STEAP1B: variants seen among roughly 807,000 people sequenced by gnomAD.
The protein encoded by STEAP1B is STEAP family member 1B, also known as STEAP family protein MGC87042.
Under a neutral mutation model 27.9 loss-of-function variants are expected in STEAP1B, and 13 were observed. The ratio of observed to expected loss-of-function variants is 0.47; its 90% confidence interval spans 0.30 to 0.74. The LOEUF (loss-of-function observed/expected upper bound fraction) is 0.74. STEAP1B is among the 30% of genes least tolerant of loss of function. The pLI, the probability that STEAP1B is intolerant of heterozygous loss-of-function variation, is 0.06. For missense variants in STEAP1B, 250 were observed against 298.7 expected (o/e 0.84, Z 1.20); for synonymous variants, 86 against 107.1 (o/e 0.80, Z 1.22).
At chr7:22,453,312 T>C (rs892935255) in intron 4 of STEAP1B, among the ~76,000 whole-genome samples, 2 of 152,248 alleles carry the variant, frequency 1.3e-5, no homozygotes, top group Non-Finnish European at 2.9e-5. Context: ...GGCTGAGGCA[T>C]TTCCATTTCC....
rs535742805 is a variant in STEAP1B at position 22,451,251 on chromosome 7, T to C, written c.763-31415A>G. Among the ~76,000 whole-genome samples, 15 of 152,242 alleles carry C rather than the reference T, an allele frequency of 9.9e-5. No homozygotes were observed. In the South Asian group the frequency reaches 2.7e-3, roughly 27 times the overall value. Reference sequence around the variant, plus strand: ...GATTGTTCATTGTTGGCATTTTGTATGTTGATTTTGTATCCTACAGCTTTA... The same window carrying C: ...GATTGTTCATTGTTGGCATTTTGTACGTTGATTTTGTATCCTACAGCTTTA... On this transcript the variant is annotated intron_variant, in intron 4 of 4. Coordinates refer to ENST00000678116, the MANE Select transcript of STEAP1B (RefSeq NM_001382447.1).
chr7:22,442,915 G>T (rs1475243087), intron 4 of STEAP1B, among the ~76,000 whole-genome samples: 1 of 152,078 alleles, frequency 6.6e-6, no homozygotes, highest in Admixed American at 6.5e-5. Flanking sequence ...AGAAGAAATA[G>T]CAACAACCAT....
rs538338159 is a variant in STEAP1B at position 22,424,874 on chromosome 7, C to G, written c.763-5038G>C. Among the ~76,000 whole-genome samples, 10 of 136,140 alleles carry G rather than the reference C, an allele frequency of 7.3e-5. No individual in the cohort carries two copies. The South Asian group carries it at 2.2e-3, about 30-fold the overall frequency. 89.3% of individuals were successfully genotyped at this position (136,140 alleles called of 152,430 possible). On this transcript the variant is annotated intron_variant, in intron 4 of 4. Coordinates refer to ENST00000678116, the MANE Select transcript of STEAP1B (RefSeq NM_001382447.1). ...CATATTCAGTAAAGAAAAAAAATCA[C>G]CAGAGTACAAATTGTTAAGTGAAAA...
At chr7:22,436,509 A>G (rs1243213938) in intron 4 of STEAP1B, among the ~76,000 whole-genome samples, 1 of 152,022 alleles carries the variant, frequency 6.6e-6, no homozygotes, top group African/African-American at 2.4e-5. Flanking sequence ...TATTAAGCCT[A>G]CTATGTATTA....
rs1054825769 is a variant in STEAP1B, at chr7:22,479,634, C to A, written c.762+12931G>T. On this transcript the variant is annotated intron_variant, in intron 4 of 4. Coordinates refer to ENST00000678116, the MANE Select transcript of STEAP1B (RefSeq NM_001382447.1). ...GCTCTGAGGCATCAACCTCTCTCCC[C>A]CTAGAGTGGCGTTGTGCAAGACAGT... Among the ~76,000 whole-genome samples the A allele has an allele frequency of 3.3e-5, 5 of 150,440 alleles. 1 individual carries two copies. In the South Asian group the frequency reaches 1.0e-3, roughly 31 times the overall value.
intron 4 of STEAP1B, among the ~76,000 whole-genome samples, chr7:22,449,929 C>T (rs1225599214): frequency 6.6e-6 from 1 of 152,158 alleles, no homozygotes. Flanking sequence ...TGCCTGTCTG[C>T]CATTTGTGCG....
chr7:22,420,932 C>G (rs566931352), intron 4 of STEAP1B, among the ~76,000 whole-genome samples: 5 of 152,306 alleles, frequency 3.3e-5, no homozygotes, highest in South Asian at 4.2e-4. Flanking sequence ...GAAGCAGAAC[C>G]AGGATTTGCA....
chr7:22,473,937 T>C (rs1785929469), intron 4 of STEAP1B, among the ~76,000 whole-genome samples: 1 of 152,196 alleles, frequency 6.6e-6, no homozygotes, highest in African/African-American at 2.4e-5. Flanking sequence ...CCCGAGGCTG[T>C]ATGTTGAGAA....
intron 4 of STEAP1B, among the ~76,000 whole-genome samples, chr7:22,426,252 A>C (rs1785106168): frequency 6.6e-6 from 1 of 152,276 alleles, no homozygotes; most frequent in Admixed American, 6.5e-5. Flanking sequence ...AGATCATCTG[A>C]AATTCTTCCA....
chr7:22,419,759 C>T lies in STEAP1B; in HGVS notation c.*45G>A. On this transcript the variant is annotated 3_prime_UTR_variant, in exon 5 of 5. Transcript: ENST00000678116. ...TGCATGAGCAATCCAATGCTGTGCTCCAAAGCCTCGTTCTCATTTCCTCTC... is the reference window on the plus strand; with the variant it reads ...TGCATGAGCAATCCAATGCTGTGCTTCAAAGCCTCGTTCTCATTTCCTCTC... The T allele has an allele frequency of 6.5e-7, 1 of 1,544,558 alleles. No individual in the cohort carries two copies. Among genetic ancestry groups the T allele is most frequent in the South Asian group, 1.2e-5 (1 of 82,638 alleles).
chr7:22,452,200 G>A (rs1441545861), intron 4 of STEAP1B, among the ~76,000 whole-genome samples: 1 of 152,212 alleles, frequency 6.6e-6, no homozygotes, highest in Admixed American at 6.5e-5. Flanking sequence ...AGTAAGGAAA[G>A]ACTCTGGAAG....
intron 4 of STEAP1B, among the ~76,000 whole-genome samples, chr7:22,420,814 T>C (rs982712985): frequency 6.6e-6 from 1 of 152,140 alleles, no homozygotes; most frequent in Non-Finnish European, 1.5e-5. Flanking sequence ...ATGTATAAAC[T>C]CTCTAATCCT....
intron 1 of STEAP1B, among the ~76,000 whole-genome samples, chr7:22,496,787 G>C (rs1232246521): frequency 2.6e-5 from 4 of 152,124 alleles, no homozygotes; most frequent in African/African-American, 9.7e-5. Context: ...GCCTTACAAT[G>C]AATTTCTCAG....
chr7:22,441,281 G>T (rs1027272314), intron 4 of STEAP1B, among the ~76,000 whole-genome samples: 2 of 152,166 alleles, frequency 1.3e-5, no homozygotes, highest in Admixed American at 1.3e-4. Context: ...GTGTCAGATT[G>T]TTTATGCATC....
intron 4 of STEAP1B, chr7:22,438,292 T>C: frequency 1.7e-6 from 1 of 596,602 alleles, no homozygotes. Flanking sequence ...CAGTATATGC[T>C]TGGTGTCCTA....
chr7:22,469,793 A>C (rs1244457995), intron 4 of STEAP1B, among the ~76,000 whole-genome samples: 1 of 152,224 alleles, frequency 6.6e-6, no homozygotes, highest in Non-Finnish European at 1.5e-5. Context: ...CATTTCTCAG[A>C]ATATATTCCT....
chr7:22,459,775 T>C (rs887827337), intron 4 of STEAP1B, among the ~76,000 whole-genome samples: 1 of 152,212 alleles, frequency 6.6e-6, no homozygotes, highest in African/African-American at 2.4e-5. Context: ...ACCCCCGTTA[T>C]GGGTCCCGTC....
intron 4 of STEAP1B, among the ~76,000 whole-genome samples, chr7:22,463,142 G>C (rs1324939511): frequency 1.3e-5 from 2 of 151,996 alleles, no homozygotes; most frequent in African/African-American, 4.8e-5. Context: ...AAAATCACAA[G>C]CATTCTTATA....
At chr7:22,470,557 G>C (rs1785863359) in intron 4 of STEAP1B, among the ~76,000 whole-genome samples, 1 of 152,082 alleles carries the variant, frequency 6.6e-6, no homozygotes, top group South Asian at 2.1e-4. Context: ...TATCACTTGA[G>C]GTCAGGAGTT....
Sources: gnomAD v4.1 joint callset for allele counts (sites outside exome capture counted in the v4.1 genomes callset) on GRCh38, gnomAD v4.1.1 for gene constraint, MANE v1.5 for transcripts, NCBI Gene and HGNC (gene_info 2026-07-23, HGNC 2026-07-21) for gene names.